Variants in CFAP47 observed in about 807,000 individuals in gnomAD.
The protein encoded by CFAP47 is cilia and flagella associated protein 47.
CFAP47 carries 29 observed loss-of-function variants against 148.1 expected under a neutral mutation model. The ratio of observed to expected loss-of-function variants is 0.20; its 90% CI spans 0.15 to 0.27. The LOEUF (loss-of-function observed/expected upper bound fraction) is 0.27. Among genes scored for constraint, CFAP47 ranks in the 10% least tolerant of loss-of-function variants. CFAP47 has a pLI of 1.00. For synonymous variants in CFAP47, 664 were observed against 577.3 expected (o/e 1.15, Z -2.15); for missense variants, 1,872 against 1,697.5 (o/e 1.10, Z -1.81).
chrX:35,953,121 C>T (rs1046452769), intron 6 of CFAP47, among the ~76,000 whole-genome samples: 1 of 112,074 alleles, frequency 8.9e-6, no homozygotes, highest in Admixed American at 9.5e-5. Context: ...GTTAGCAATT[C>T]GTGTTCTCCA....
Position 35,931,479 on chromosome X carries a change from C to T in CFAP47, c.401+5311C>T, listed in dbSNP as rs189533037. 1.4e-3 allele frequency among the ~76,000 whole-genome samples: 155 copies of T among 111,038 alleles called. No individual in the cohort carries two copies. The East Asian group carries it at 0.022, about 16-fold the overall frequency. Reference sequence around the variant, plus strand: ...GGCAATGGTTCCCTTCCCCATATTTCGACCTCTGTCTTTGGATTGTTGTAT... The same window carrying T: ...GGCAATGGTTCCCTTCCCCATATTTTGACCTCTGTCTTTGGATTGTTGTAT... On this transcript the variant is annotated intron_variant, in intron 2 of 63. Transcript: ENST00000378653.
intron 48 of CFAP47, among the ~76,000 whole-genome samples, chrX:36,238,306 T>C (rs1288937149): frequency 1.8e-5 from 2 of 112,273 alleles, no homozygotes; most frequent in Middle Eastern, 4.6e-3. Flanking sequence ...CTTATTGCCA[T>C]GTAAGACATG....
chrX:36,043,574 A>T (rs2146730092), intron 25 of CFAP47, among the ~76,000 whole-genome samples: 1 of 113,233 alleles, frequency 8.8e-6, no homozygotes, highest in South Asian at 3.6e-4. Context: ...AAGCTCCAAA[A>T]TGATCTCCTT....
chrX:36,126,623 T>A (rs1205400310), intron 33 of CFAP47, among the ~76,000 whole-genome samples: 1 of 112,137 alleles, frequency 8.9e-6, no homozygotes, highest in Non-Finnish European at 1.9e-5. Context: ...GTAATGGGAA[T>A]GCTGGGTCAA....
intron 57 of CFAP47, among the ~76,000 whole-genome samples, chrX:36,344,580 C>T (rs782464400): frequency 1.8e-5 from 2 of 111,963 alleles, no homozygotes; most frequent in East Asian, 2.8e-4. Context: ...CATCATCTTT[C>T]TATACTTTCA....
intron 52 of CFAP47, among the ~76,000 whole-genome samples, chrX:36,300,416 A>G (rs1556007595): frequency 1.8e-5 from 2 of 109,596 alleles, no homozygotes; most frequent in African/African-American, 6.7e-5. Context: ...CAGCCTCCCA[A>G]ATAGCCGGGA....
At position 36,234,716 on chromosome X, in the gene CFAP47, C is replaced by G. The variant is rs375617484; in HGVS notation, c.7015-1218C>G. On this transcript the variant is annotated intron_variant, in intron 46 of 63. Transcript: ENST00000378653. ...CTGCTTTTTAGAGTTTCCAGTTTTTCTGCTCTGTTTTTTCCCCATCTTTGT... is the reference window on the plus strand; with the variant it reads ...CTGCTTTTTAGAGTTTCCAGTTTTTGTGCTCTGTTTTTTCCCCATCTTTGT... Among the ~76,000 whole-genome samples, 10 of 111,787 alleles carry G rather than the reference C, an allele frequency of 8.9e-5. No individual in the cohort carries two copies. The East Asian group carries it at 2.5e-3, about 28-fold the overall frequency.
chrX:36,353,588 G>A lies in CFAP47; in HGVS notation c.8758G>A (p.Ala2920Thr). 1 of 1,162,798 alleles carries A rather than the reference G, an allele frequency of 8.6e-7. No individual in the cohort carries two copies. The highest frequency in any genetic ancestry group is 1.2e-6 in the Non-Finnish European group (1 of 868,731). The change falls in exon 60 of 64, where the codon GCT becomes ACT. Residue 2920 changes from alanine (A) to threonine (T), a missense_variant. Ala to Thr is a moderately conservative substitution (Grantham distance 58). Transcript: ENST00000378653. ...AGAGAAGGTAGAAATCATACTGAAT[G>A]CTGGTTTTTTCGGATTTAGTCTTAC... The part of the protein sequence containing the change: ...AEEKVEIILN[A>T]GFFGFSLTPD...
At chrX:36,338,584 ATTC>A (rs1311456822) in intron 57 of CFAP47, among the ~76,000 whole-genome samples, 9 of 111,143 alleles carry the variant, frequency 8.1e-5, no homozygotes, top group African/African-American at 2.0e-4. Context: ...TTCTCCCTTT[ATTC>A]TTCTTCTGTT....
rs1329252425 is a variant in CFAP47, at chrX:36,039,155, A to G, written c.3983A>G (p.Asn1328Ser). 1.9e-5 allele frequency: 20 copies of G among 1,065,571 alleles called. No individual in the cohort carries two copies. The highest frequency in any genetic ancestry group is 5.0e-4 in the Middle Eastern group (2 of 3,977). 87.8% of individuals were successfully genotyped at this position (1,065,571 alleles called of 1,213,427 possible). The change falls in exon 25 of 64, where the codon AAC (asparagine) becomes AGC (serine). Residue 1328 changes from asparagine (N) to serine (S), a missense_variant. By Grantham distance (46) the Asn-to-Ser change is conservative. Transcript: ENST00000378653. ...GATATAACAACTGTAATGGATATCA[A>G]CATTTTACCTCAAAACTATTTCAGG... ...PLDITTVMDINILPQNYFRNS... is the reference protein window; with the variant it reads ...PLDITTVMDISILPQNYFRNS...
At chrX:35,942,863 G>A (rs1018079105) in intron 3 of CFAP47, among the ~76,000 whole-genome samples, 6 of 111,707 alleles carry the variant, frequency 5.4e-5, no homozygotes, top group African/African-American at 1.3e-4. Flanking sequence ...AAAATACTGC[G>A]CATTGGCTAT....
At chrX:36,364,901 CATATATATATATATATATATATAT>C (rs60748143) in intron 61 of CFAP47, among the ~76,000 whole-genome samples, 19 of 67,363 alleles carry the variant, frequency 2.8e-4, no homozygotes, top group Admixed American at 6.0e-4. Flanking sequence ...ATATTTTGTG[CATATATATATATATATATATATAT>C]ATATATATAT....
intron 16 of CFAP47, among the ~76,000 whole-genome samples, 159 bp from the exon 17 acceptor site, chrX:35,991,662 G>T (rs1936790998): frequency 9.0e-6 from 1 of 110,784 alleles, no homozygotes; most frequent in Non-Finnish European, 1.9e-5. Context: ...ACTGAATAAA[G>T]AATATAGGAG....
intron 29 of CFAP47, among the ~76,000 whole-genome samples, chrX:36,083,163 G>A (rs2146773983): frequency 9.1e-6 from 1 of 110,296 alleles, no homozygotes; most frequent in African/African-American, 3.3e-5. Context: ...TTTCTTTGCA[G>A]GATGTTTCCC....
At chrX:35,963,277 G>A (rs770523306) in intron 8 of CFAP47, among the ~76,000 whole-genome samples, 1 of 109,446 alleles carries the variant, frequency 9.1e-6, no homozygotes, top group South Asian at 3.9e-4. Flanking sequence ...GTTAATAAAA[G>A]GGTATAAATA....
At chrX:36,342,414 T>G (rs964829513) in intron 57 of CFAP47, among the ~76,000 whole-genome samples, 1 of 111,778 alleles carries the variant, frequency 8.9e-6, no homozygotes, top group Non-Finnish European at 1.9e-5. Flanking sequence ...CATTGCAAGT[T>G]TTAAATATTA....
At chrX:36,361,539 A>G (rs1941828737) in intron 61 of CFAP47, 38 bp downstream of exon 61, 1 of 632,074 alleles carries the variant, frequency 1.6e-6, no homozygotes, top group African/African-American at 2.3e-5. Context: ...AAACAATAGT[A>G]TTACCCTTTT....
chrX:36,129,578 T>C (rs1239867193), intron 33 of CFAP47, among the ~76,000 whole-genome samples: 1 of 111,468 alleles, frequency 9.0e-6, no homozygotes, highest in Non-Finnish European at 1.9e-5. Context: ...ATATACCTCA[T>C]TGCATTTCAG....
chrX:36,365,860 GCAC>G (rs1244160341), intron 61 of CFAP47: 3 of 111,431 alleles, frequency 2.7e-5, no homozygotes, highest in African/African-American at 9.8e-5. Flanking sequence ...CAGTGTATAT[GCAC>G]CACATTTTCT....
Sources: gnomAD v4.1 joint callset for allele counts (sites outside exome capture counted in the v4.1 genomes callset) on GRCh38, gnomAD v4.1.1 for gene constraint, MANE v1.5 for transcripts, NCBI Gene and HGNC (gene_info 2026-07-23, HGNC 2026-07-21) for gene names.